DOCK4: variants seen among roughly 807,000 people sequenced by gnomAD.
DOCK4 encodes dedicator of cytokinesis 4.
In DOCK4, 97 loss-of-function variants were observed where a neutral mutation model predicts 268.1. That is an observed-to-expected ratio of 0.36 (90% confidence interval 0.31 to 0.43). The LOEUF (loss-of-function observed/expected upper bound fraction) is 0.43, where lower values mean the gene tolerates loss of function less well. DOCK4 is among the 20% of genes least tolerant of loss of function. The probability of loss-of-function intolerance (pLI) is 1.00; values close to 1 mark genes in which losing one functional copy is unlikely to be tolerated. For synonymous variants in DOCK4, 954 were observed against 887.2 expected (o/e 1.08, Z -1.34); for missense variants, 2,145 against 2,455.7 (o/e 0.87, Z 2.67).
At chr7:111,741,795 C>T in intron 45 of DOCK4, 134 bp from the exon 46 acceptor site, 1 of 1,316,582 alleles carries the variant, frequency 7.6e-7, no homozygotes, top group Non-Finnish European at 1.0e-6. Flanking sequence ...AAAGCAAGTT[C>T]CAGTATTATT....
chr7:112,062,111 C>A (rs567406675), intron 1 of DOCK4, among the ~76,000 whole-genome samples: 1 of 152,158 alleles, frequency 6.6e-6, no homozygotes, highest in East Asian at 1.9e-4. Flanking sequence ...TTTTTTCATT[C>A]ATTCCTTCAT....
chr7:112,073,334 G>T (rs2135680196), intron 1 of DOCK4, among the ~76,000 whole-genome samples: 1 of 152,052 alleles, frequency 6.6e-6, no homozygotes, highest in African/African-American at 2.4e-5. Flanking sequence ...AGGAATACCT[G>T]CATCCCCATG....
At chr7:112,055,038 A>G (rs140948501) in intron 1 of DOCK4, among the ~76,000 whole-genome samples, 210 of 152,360 alleles carry the variant, frequency 1.4e-3, no homozygotes, top group African/African-American at 4.6e-3. Flanking sequence ...ACATACAGTC[A>G]GTCCTTACCA....
intron 1 of DOCK4, among the ~76,000 whole-genome samples, chr7:112,125,594 G>C (rs749092577): frequency 6.6e-6 from 1 of 152,066 alleles, no homozygotes; most frequent in South Asian, 2.1e-4. Context: ...AGACAGACTG[G>C]GTTACCAATT....
intron 7 of DOCK4, among the ~76,000 whole-genome samples, chr7:111,983,797 C>T (rs7805058): frequency 6.7e-6 from 1 of 149,476 alleles, no homozygotes; most frequent in Non-Finnish European, 1.5e-5. Flanking sequence ...AGGAGGAGAC[C>T]GTTTCAGTAG....
chr7:111,913,526 C>A (rs11979308), intron 13 of DOCK4, among the ~76,000 whole-genome samples: 2,404 of 151,416 alleles, frequency 0.016, 19 homozygotes, highest in Middle Eastern at 0.038. Context: ...TCTCCTGCCT[C>A]AGCCTCCCGA....
chr7:112,138,222 T>C (rs1814547648), intron 1 of DOCK4, among the ~76,000 whole-genome samples: 3 of 152,240 alleles, frequency 2.0e-5, no homozygotes, highest in Admixed American at 1.3e-4. Context: ...TATTGGTCCC[T>C]TTAGTTGTGT....
chr7:112,194,968 A>G (rs1194879078), intron 1 of DOCK4, among the ~76,000 whole-genome samples: 1 of 152,186 alleles, frequency 6.6e-6, no homozygotes, highest in Non-Finnish European at 1.5e-5. Context: ...ATTAATACAA[A>G]TATAGTTCTC....
intron 1 of DOCK4, among the ~76,000 whole-genome samples, chr7:112,064,556 C>T (rs146017412): frequency 4.8e-4 from 73 of 152,292 alleles, no homozygotes; most frequent in African/African-American, 1.7e-3. Context: ...GAAAGTAATA[C>T]AGATTTCCCT....
At chr7:112,058,168 C>T (rs544576711) in intron 1 of DOCK4, among the ~76,000 whole-genome samples, 1 of 151,570 alleles carries the variant, frequency 6.6e-6, no homozygotes, top group Admixed American at 6.6e-5. Context: ...TGACAAGCAC[C>T]TTATCTTGGC....
rs1212651299 is a variant in DOCK4 at position 111,726,302 on chromosome 7, AAC to A, written c.*1970_*1971del. On this transcript the variant is annotated 3_prime_UTR_variant, in exon 53 of 53. Transcript: ENST00000428084. The stretch of plus-strand genomic sequence containing the variant: ...TTAAAAAATGGCTCCAAGAGCAAAT[AAC>A]ACTGATTTATAATGTGCCCAAGCAC... 6.6e-6 allele frequency: 1 copy of A among 152,662 alleles called. No individual in the cohort carries two copies. Among genetic ancestry groups the A allele is most frequent in the Non-Finnish European group, 1.5e-5 (1 of 68,046 alleles). 9.5% of individuals were successfully genotyped at this position (152,662 alleles called of 1,614,324 possible). A position where few individuals can be genotyped will look rare whatever the true frequency, so the allele number is the denominator to read the frequency against.
At chr7:112,079,924 GAAT>G (rs1472315194) in intron 1 of DOCK4, among the ~76,000 whole-genome samples, 1 of 152,146 alleles carries the variant, frequency 6.6e-6, no homozygotes, top group Non-Finnish European at 1.5e-5. Flanking sequence ...GATTTTGGCT[GAAT>G]AATGGGTATA....
At chr7:112,154,241 G>A (rs890331577) in intron 1 of DOCK4, among the ~76,000 whole-genome samples, 1 of 151,940 alleles carries the variant, frequency 6.6e-6, no homozygotes, top group African/African-American at 2.4e-5. Context: ...CAAAGTGCTG[G>A]GACTATAGGC....
chr7:112,204,380 C>G (rs1302077241), intron 1 of DOCK4, among the ~76,000 whole-genome samples: 1 of 152,210 alleles, frequency 6.6e-6, no homozygotes, highest in Non-Finnish European at 1.5e-5. Context: ...GAGCTTCCTG[C>G]ACTGAGTGTT....
rs1436669770 is a variant in DOCK4, at chr7:112,008,135, G to A, written c.38-4004C>T. Among the ~76,000 whole-genome samples the A allele has an allele frequency of 2.6e-5, 4 of 152,126 alleles. No individual in the cohort carries two copies. In the South Asian group the frequency reaches 6.2e-4, roughly 24 times the overall value. ...AAACAATCACAGAAAATGAACCTTTGGTAAAGCTGGGAATATAAATATTCG... is the reference window on the plus strand; with the variant it reads ...AAACAATCACAGAAAATGAACCTTTAGTAAAGCTGGGAATATAAATATTCG... On this transcript the variant is annotated intron_variant, in intron 1 of 52. Coordinates refer to ENST00000428084, the MANE Select transcript of DOCK4 (RefSeq NM_001363540.2).
At chr7:111,732,334 G>C in intron 51 of DOCK4, 47 bp from the exon 52 acceptor site, 1 of 1,591,990 alleles carries the variant, frequency 6.3e-7, no homozygotes, top group Non-Finnish European at 8.6e-7. Flanking sequence ...AAAACCAGAC[G>C]ATTGACTATC....
intron 1 of DOCK4, among the ~76,000 whole-genome samples, chr7:112,039,077 C>A (rs1804114636): frequency 6.6e-6 from 1 of 152,098 alleles, no homozygotes; most frequent in Non-Finnish European, 1.5e-5. Flanking sequence ...AACAGAGAAG[C>A]CAAGAGTGTT....
At chr7:111,823,734 C>T (rs1417460511) in intron 26 of DOCK4, among the ~76,000 whole-genome samples, 14 of 152,134 alleles carry the variant, frequency 9.2e-5, no homozygotes. Context: ...ATTTCTCTAA[C>T]AATCTGATTG....
At chr7:112,005,665 T>C (rs780944746) in intron 1 of DOCK4, among the ~76,000 whole-genome samples, 6 of 152,064 alleles carry the variant, frequency 3.9e-5, no homozygotes, top group Admixed American at 2.6e-4. Flanking sequence ...GCCAAACTTA[T>C]ACTCAGAATT....
Sources: gnomAD v4.1 joint callset for allele counts (sites outside exome capture counted in the v4.1 genomes callset) on GRCh38, gnomAD v4.1.1 for gene constraint, MANE v1.5 for transcripts, NCBI Gene and HGNC (gene_info 2026-07-23, HGNC 2026-07-21) for gene names.